LEMD1: variants seen among roughly 807,000 people sequenced by gnomAD.
LEMD1 encodes the protein LEM domain-containing protein 1.
LEMD1 carries 18 observed loss-of-function variants against 17.4 expected under a neutral mutation model. The ratio of observed to expected loss-of-function variants is 1.04; its 90% CI spans 0.72 to 1.54. The LOEUF is 1.54. Ranked by LOEUF, LEMD1 falls within the 40% of genes most tolerant of loss-of-function variation. The pLI is 0.00. For synonymous variants in LEMD1, 88 were observed against 77.8 expected (o/e 1.13, Z -0.69); for missense variants, 195 against 210.4 (o/e 0.93, Z 0.45).
chr1:205,391,906 G>C (rs1353345203), intron 4 of LEMD1, among the ~76,000 whole-genome samples: 1 of 149,764 alleles, frequency 6.7e-6, no homozygotes, highest in Non-Finnish European at 1.5e-5. Flanking sequence ...TTAGGAGTTC[G>C]AGACCAACCT....
At chr1:205,405,676 T>C (rs1665059899) in intron 4 of LEMD1, among the ~76,000 whole-genome samples, 1 of 152,102 alleles carries the variant, frequency 6.6e-6, no homozygotes, top group East Asian at 1.9e-4. Context: ...AGTAGTTTGA[T>C]CGTCTGAAGC....
At chr1:205,417,250 G>T (rs1259189787) in intron 3 of LEMD1, among the ~76,000 whole-genome samples, 1 of 152,178 alleles carries the variant, frequency 6.6e-6, no homozygotes, top group Non-Finnish European at 1.5e-5. Flanking sequence ...GCCCGTAGTT[G>T]GCTTAGATCA....
At chr1:205,402,266 G>A (rs1245698557) in intron 4 of LEMD1, among the ~76,000 whole-genome samples, 1 of 152,058 alleles carries the variant, frequency 6.6e-6, no homozygotes, top group Admixed American at 6.5e-5. Context: ...TGATGGGGAT[G>A]GCATTGAATC....
intron 1 of LEMD1, among the ~76,000 whole-genome samples, chr1:205,420,975 A>C (rs1665937255): frequency 6.6e-6 from 1 of 151,762 alleles, no homozygotes; most frequent in African/African-American, 2.4e-5. Flanking sequence ...TAGTGAGTTA[A>C]ATAAAAGTTA....
chr1:205,408,062 A>T (rs866847220), intron 4 of LEMD1, among the ~76,000 whole-genome samples: 6 of 144,830 alleles, frequency 4.1e-5, no homozygotes, highest in Non-Finnish European at 9.2e-5. Flanking sequence ...AGGAGAAGGA[A>T]GAGATGACAA....
chr1:205,429,374 CTT>C (rs1235932711), intron 1 of LEMD1, among the ~76,000 whole-genome samples: 2 of 152,134 alleles, frequency 1.3e-5, no homozygotes, highest in Non-Finnish European at 2.9e-5. Flanking sequence ...CCTCTGAAGC[CTT>C]GTCAATGTCT....
chr1:205,418,054 G>A (rs376483877), intron 3 of LEMD1, among the ~76,000 whole-genome samples: 5 of 151,742 alleles, frequency 3.3e-5, no homozygotes, highest in Admixed American at 2.6e-4. Context: ...GATGGGTCCC[G>A]CTCTGCATGG....
At chr1:205,391,452 C>T (rs1007255880) in intron 4 of LEMD1, among the ~76,000 whole-genome samples, 4 of 151,768 alleles carry the variant, frequency 2.6e-5, no homozygotes, top group Admixed American at 6.6e-5. Flanking sequence ...AAAAAGCTCC[C>T]GGAAAAGCCA....
intron 1 of LEMD1, among the ~76,000 whole-genome samples, chr1:205,427,309 C>T (rs1199372509): frequency 6.6e-6 from 1 of 151,886 alleles, no homozygotes; most frequent in Non-Finnish European, 1.5e-5. Context: ...GACAACATGG[C>T]TCTGGGGTCC....
chr1:205,428,560 G>C (rs112645109), intron 1 of LEMD1, among the ~76,000 whole-genome samples: 508 of 152,264 alleles, frequency 3.3e-3, no homozygotes, highest in African/African-American at 9.1e-3. Flanking sequence ...TGGAGTGAAC[G>C]AGAACCTTTC....
chr1:205,432,610 C>T (rs193131727), intron 1 of LEMD1, among the ~76,000 whole-genome samples: 1 of 152,314 alleles, frequency 6.6e-6, no homozygotes, highest in Admixed American at 6.5e-5. Context: ...AAGAGGCTTC[C>T]TATCATACCT....
chr1:205,445,519 G>C (rs1666373349), intron 1 of LEMD1, among the ~76,000 whole-genome samples: 1 of 152,232 alleles, frequency 6.6e-6, no homozygotes, highest in Non-Finnish European at 1.5e-5. Context: ...ATGGCCTTCA[G>C]AGACCACAGA....
chr1:205,408,101 T>C (rs780631450), intron 4 of LEMD1, among the ~76,000 whole-genome samples: 8 of 151,896 alleles, frequency 5.3e-5, no homozygotes, highest in Non-Finnish European at 8.8e-5. Flanking sequence ...CCTGGAGTGG[T>C]TGTGGATGAG....
chr1:205,436,472 C>G (rs1666205898), intron 1 of LEMD1: 1 of 151,558 alleles, frequency 6.6e-6, no homozygotes, highest in African/African-American at 2.4e-5. Flanking sequence ...GCGGACTGGC[C>G]ACAATAACCC....
chr1:205,381,781 G>A lies in LEMD1; in HGVS notation c.423C>T (p.Asp141=). 6.2e-7 allele frequency: 1 copy of A among 1,614,180 alleles called. No homozygotes were observed. Among genetic ancestry groups the A allele is most frequent in the Non-Finnish European group, 8.5e-7 (1 of 1,180,030 alleles). ...CTTCTCTCCAGCTCTCGATAGTCTG[G>A]TCTTCCGCGCAGTAGTCTCTCTCTT... ...ITKERDYCAE[D]QTIESWREEG... is the part of the protein sequence containing the mutation. The change falls in exon 6 of 6, where the codon GAC becomes GAT. Residue 141 remains aspartate (D), a synonymous_variant. Transcript: ENST00000367153.
intron 4 of LEMD1, among the ~76,000 whole-genome samples, chr1:205,393,468 G>A (rs1315625325): frequency 1.3e-5 from 2 of 151,976 alleles, no homozygotes; most frequent in African/African-American, 4.8e-5. Flanking sequence ...TTCAGGTTAG[G>A]AGTTCGAGAC....
At chr1:205,419,113 G>T in intron 3 of LEMD1, 117 bp downstream of exon 3, 2 of 1,170,478 alleles carry the variant, frequency 1.7e-6, no homozygotes, top group South Asian at 1.8e-5. Flanking sequence ...TGTGCAAAGA[G>T]GCCCTATGGC....
chr1:205,418,525 C>T (rs1031672107), intron 3 of LEMD1, among the ~76,000 whole-genome samples: 1 of 151,450 alleles, frequency 6.6e-6, no homozygotes, highest in African/African-American at 2.4e-5. Flanking sequence ...TCTGGTTCAT[C>T]TTTTTTTTTA....
At chr1:205,436,866 T>G (rs1021321971) in intron 1 of LEMD1, 2 of 152,252 alleles carry the variant, frequency 1.3e-5, no homozygotes, top group Non-Finnish European at 1.5e-5. Flanking sequence ...TCTCCAAAAG[T>G]TCCAGCCACA....
Sources: gnomAD v4.1 joint callset for allele counts (sites outside exome capture counted in the v4.1 genomes callset) on GRCh38, gnomAD v4.1.1 for gene constraint, MANE v1.5 for transcripts, NCBI Gene and HGNC (gene_info 2026-07-23, HGNC 2026-07-21) for gene names.